Variants in RASA2 observed in about 807,000 individuals in gnomAD.
RASA2 encodes RAS p21 protein activator 2.
RASA2 carries 155 observed loss-of-function variants against 118.2 expected under a neutral mutation model. That is an observed-to-expected ratio of 1.31 (90% CI 1.15 to 1.50). The LOEUF (loss-of-function observed/expected upper bound fraction) is 1.50, where lower values mean the gene tolerates loss of function less well. RASA2 is among the 40% of genes most tolerant of loss of function. RASA2 has a pLI of 0.00. For missense variants in RASA2, 1,016 were observed against 1,009.6 expected (o/e 1.01, Z -0.09); for synonymous variants, 353 against 349.1 (o/e 1.01, Z -0.12).
chr3:141,578,780 G>A (rs1382841669), intron 15 of RASA2: 2 of 152,204 alleles, frequency 1.3e-5, no homozygotes, highest in Non-Finnish European at 1.5e-5. Context: ...ATTCATACTT[G>A]AATTTGCATA....
intron 6 of RASA2, 85 bp from the exon 7 acceptor site, chr3:141,555,755 G>T (rs761147856): frequency 3.9e-5 from 45 of 1,157,742 alleles, no homozygotes; most frequent in Non-Finnish European, 5.6e-5. Flanking sequence ...TTAAATGGAG[G>T]TCAGGCTCCC....
chr3:141,576,976 C>CATTAGAA, intron 14 of RASA2, 24 bp from the exon 15 acceptor site: 1 of 1,444,804 alleles, frequency 6.9e-7, no homozygotes, highest in South Asian at 1.2e-5. Context: ...TTGTGCATGA[C>CATTAGAA]ATTTCACCAT....
At chr3:141,564,996 A>AT (rs993334286) in intron 9 of RASA2, among the ~76,000 whole-genome samples, 1 of 150,480 alleles carries the variant, frequency 6.6e-6, no homozygotes, top group African/African-American at 2.4e-5. Flanking sequence ...CTTTTTTTTT[A>AT]TTTTTTTGAG....
intron 23 of RASA2, among the ~76,000 whole-genome samples, chr3:141,612,000 A>G (rs1478028573): frequency 1.3e-5 from 2 of 152,166 alleles, no homozygotes; most frequent in African/African-American, 2.4e-5. Flanking sequence ...AACCTCTACC[A>G]TACTAAATAT....
At chr3:141,562,112 C>T (rs927869226) in intron 9 of RASA2, among the ~76,000 whole-genome samples, 5 of 151,684 alleles carry the variant, frequency 3.3e-5, no homozygotes, top group South Asian at 4.2e-4. Flanking sequence ...ACCACCATGC[C>T]GAGCTAATTT....
At chr3:141,575,442 T>C (rs1020874696) in intron 14 of RASA2, among the ~76,000 whole-genome samples, 9 of 152,252 alleles carry the variant, frequency 5.9e-5, no homozygotes, top group African/African-American at 2.2e-4. Context: ...AAATTATATT[T>C]TTAAATAGTT....
intron 7 of RASA2, among the ~76,000 whole-genome samples, chr3:141,558,426 A>G (rs1013850029): frequency 2.0e-5 from 3 of 152,196 alleles, no homozygotes; most frequent in African/African-American, 7.2e-5. Flanking sequence ...TATGATCACT[A>G]AATTAAATAG....
chr3:141,598,948 C>T (rs950211880), intron 19 of RASA2, among the ~76,000 whole-genome samples: 4 of 151,864 alleles, frequency 2.6e-5, no homozygotes, highest in Non-Finnish European at 5.9e-5. Context: ...ATCAGCTGGG[C>T]GTCGTGGTGC....
chr3:141,545,393 C>T (rs374684462), intron 5 of RASA2, among the ~76,000 whole-genome samples: 1 of 151,854 alleles, frequency 6.6e-6, no homozygotes, highest in Non-Finnish European at 1.5e-5. Flanking sequence ...ATAACAAACA[C>T]CAAGCGGGAG....
At chr3:141,600,773 C>T (rs945921537) in intron 19 of RASA2, among the ~76,000 whole-genome samples, 8 of 152,126 alleles carry the variant, frequency 5.3e-5, no homozygotes, top group African/African-American at 1.9e-4. Context: ...ACTCCAAATC[C>T]CAGCCAGTTT....
intron 4 of RASA2, among the ~76,000 whole-genome samples, chr3:141,534,627 A>C (rs1178423215): frequency 6.6e-6 from 1 of 152,082 alleles, no homozygotes; most frequent in Non-Finnish European, 1.5e-5. Flanking sequence ...TTACCTGTTT[A>C]AAAAGACATT....
intron 2 of RASA2, among the ~76,000 whole-genome samples, chr3:141,513,229 T>G (rs894746620): frequency 6.6e-6 from 1 of 151,716 alleles, no homozygotes; most frequent in Non-Finnish European, 1.5e-5. Flanking sequence ...AAAAATATCT[T>G]TCTTTTACAT....
At position 141,536,157 on chromosome 3, in the gene RASA2, G is replaced by A. The variant is rs144610399; in HGVS notation, c.451-4376G>A. On this transcript the variant is annotated intron_variant, in intron 4 of 23. Transcript: ENST00000286364. ...ACATATCCAAGACTGGAAAGAAAAA[G>A]AGGTTTAATTGGACTTATAGTTCCA... Among the ~76,000 whole-genome samples the A allele has an allele frequency of 7.1e-3, 1,085 of 152,294 alleles. 15 individuals are homozygous for A. Among genetic ancestry groups the A allele is most frequent in the African/African-American group, 0.025 (1,041 of 41,544 alleles).
intron 19 of RASA2, among the ~76,000 whole-genome samples, chr3:141,602,631 TCTTA>T (rs1213963621): frequency 2.6e-5 from 4 of 152,346 alleles, no homozygotes; most frequent in South Asian, 2.1e-4. Context: ...AGTCTCTCTC[TCTTA>T]CTTACAGTGT....
At chr3:141,532,794 A>G (rs2082277234) in intron 4 of RASA2, among the ~76,000 whole-genome samples, 1 of 152,142 alleles carries the variant, frequency 6.6e-6, no homozygotes, top group African/African-American at 2.4e-5. Flanking sequence ...TCAGTACAGC[A>G]ATAGATACTG....
intron 5 of RASA2, among the ~76,000 whole-genome samples, chr3:141,541,170 ACTT>A (rs1306764558): frequency 2.6e-5 from 4 of 152,020 alleles, no homozygotes; most frequent in Admixed American, 6.6e-5. Context: ...GATAACCTTC[ACTT>A]CTTCTGGGTG....
chr3:141,568,499 AAAAC>A (rs1364550606), intron 9 of RASA2, among the ~76,000 whole-genome samples: 1 of 152,084 alleles, frequency 6.6e-6, no homozygotes, highest in Non-Finnish European at 1.5e-5. Flanking sequence ...AGATAAGAGA[AAAAC>A]AAAGTTAAAA....
intron 8 of RASA2, 37 bp from the exon 9 acceptor site, chr3:141,559,857 T>C: frequency 6.5e-7 from 1 of 1,546,470 alleles, no homozygotes; most frequent in Non-Finnish European, 8.9e-7. Flanking sequence ...CTCTTAAACA[T>C]TGTTTGCAAA....
In RASA2 at chr3:141,612,354, T is replaced by A; in HGVS notation, c.*41T>A. On this transcript the variant is annotated 3_prime_UTR_variant, in exon 24 of 24. Coordinates refer to ENST00000286364, the MANE Select transcript of RASA2 (RefSeq NM_006506.5). ...TTCAGAAGAACTGGAAAATATTATT[T>A]TTCTTGGAGCTTTTCAATTCATCAT... 3 of 1,496,000 alleles carry A rather than the reference T, an allele frequency of 2.0e-6. No homozygotes were observed. Among genetic ancestry groups the A allele is most frequent in the Non-Finnish European group, 2.7e-6 (3 of 1,092,826 alleles). The allele number at this position is 1,496,000 out of a possible 1,614,324, so 92.7% of individuals were successfully genotyped here.
Sources: gnomAD v4.1 joint callset for allele counts (sites outside exome capture counted in the v4.1 genomes callset) on GRCh38, gnomAD v4.1.1 for gene constraint, MANE v1.5 for transcripts, NCBI Gene and HGNC (gene_info 2026-07-23, HGNC 2026-07-21) for gene names.